The following OPHN1 variants were observed in gnomAD, a reference collection of about 807,000 sequenced individuals.
The protein encoded by OPHN1 is oligophrenin 1.
In OPHN1, 11 loss-of-function variants were observed where a neutral mutation model predicts 60.7. The observed-to-expected ratio is 0.18, with a 90% CI of 0.11 to 0.30. OPHN1 has a LOEUF of 0.30. OPHN1 is among the 10% of genes least tolerant of loss of function. The pLI is 1.00. For synonymous variants in OPHN1, 226 were observed against 222.6 expected, an observed-to-expected ratio of 1.02 and a Z score of -0.14; for missense variants, 449 against 611.0, an observed-to-expected ratio of 0.73 and a Z score of 2.80.
chrX:68,347,425 C>G (rs1338256421), intron 2 of OPHN1, among the ~76,000 whole-genome samples: 1 of 111,323 alleles, frequency 9.0e-6, no homozygotes, highest in Non-Finnish European at 1.9e-5. Context: ...TCAAGCTATC[C>G]TCCAATCTCA....
chrX:68,212,588 CA>C (rs1208500315), intron 7 of OPHN1, among the ~76,000 whole-genome samples: 1 of 110,934 alleles, frequency 9.0e-6, no homozygotes, highest in Non-Finnish European at 1.9e-5. Flanking sequence ...CTCAAAAAAA[CA>C]AAAAACAAAC....
chrX:68,193,385 G>T (rs933102770), intron 14 of OPHN1, among the ~76,000 whole-genome samples: 3 of 111,653 alleles, frequency 2.7e-5, no homozygotes, highest in African/African-American at 9.8e-5. Context: ...TAAGGCAGCT[G>T]TGAAACAAAA....
intron 19 of OPHN1, among the ~76,000 whole-genome samples, chrX:68,084,795 A>G (rs962486388): frequency 2.7e-5 from 3 of 111,909 alleles, no homozygotes; most frequent in Admixed American, 9.4e-5. Flanking sequence ...GAGCTGGTTG[A>G]GAGCAGTTTT....
intron 2 of OPHN1, 140 bp downstream of exon 2, chrX:68,432,727 C>T: frequency 3.1e-6 from 2 of 652,244 alleles, no homozygotes; most frequent in East Asian, 6.7e-5. Flanking sequence ...ATCTCCACTC[C>T]CCAAGTGTGG....
At chrX:68,313,697 AG>A (rs2078184736) in intron 2 of OPHN1, among the ~76,000 whole-genome samples, 2 of 111,966 alleles carry the variant, frequency 1.8e-5, no homozygotes, top group Middle Eastern at 4.6e-3. Context: ...GAAGCTGACA[AG>A]GGTAGTGGGG....
At chrX:68,351,736 G>A (rs942391987) in intron 2 of OPHN1, among the ~76,000 whole-genome samples, 5 of 111,404 alleles carry the variant, frequency 4.5e-5, no homozygotes, top group Admixed American at 9.6e-5. Context: ...TTGCTCTGTC[G>A]CCCAGGCGGG....
chrX:68,181,563 G>A (rs1382570902), intron 15 of OPHN1, among the ~76,000 whole-genome samples: 4 of 111,316 alleles, frequency 3.6e-5, no homozygotes, highest in Non-Finnish European at 7.5e-5. Flanking sequence ...GGTGGTTCAC[G>A]CCTGTAATCC....
chrX:68,259,676 G>A (rs1455375408), intron 5 of OPHN1, among the ~76,000 whole-genome samples: 1 of 111,482 alleles, frequency 9.0e-6, no homozygotes, highest in Non-Finnish European at 1.9e-5. Context: ...TATAGATAAT[G>A]AAACTAAGGC....
At chrX:68,137,067 A>G (rs1335437096) in intron 15 of OPHN1, among the ~76,000 whole-genome samples, 3 of 112,218 alleles carry the variant, frequency 2.7e-5, no homozygotes, top group African/African-American at 9.7e-5. Flanking sequence ...AATCTTTTAT[A>G]CAATGAATGG....
chrX:68,212,020 A>C, intron 8 of OPHN1, 88 bp downstream of exon 8: 1 of 629,285 alleles, frequency 1.6e-6, no homozygotes, highest in Non-Finnish European at 2.6e-6. Context: ...AGGATGCAGT[A>C]ACCTAGAATT....
At chrX:68,203,914 C>T (rs770194526) in intron 10 of OPHN1, among the ~76,000 whole-genome samples, 13 of 112,906 alleles carry the variant, frequency 1.2e-4, no homozygotes, top group South Asian at 7.2e-4. Flanking sequence ...GTGCTTTGCA[C>T]GTAATATTAA....
At chrX:68,244,823 A>G (rs186388169) in intron 5 of OPHN1, among the ~76,000 whole-genome samples, 1 of 111,674 alleles carries the variant, frequency 9.0e-6, no homozygotes, top group Admixed American at 9.6e-5. Flanking sequence ...TACTATTCTT[A>G]TCCCAATTTT....
At chrX:68,164,075 T>C (rs2077347620) in intron 15 of OPHN1, among the ~76,000 whole-genome samples, 1 of 111,548 alleles carries the variant, frequency 9.0e-6, no homozygotes, top group South Asian at 3.8e-4. Context: ...ATGAGGTGGG[T>C]ACTACTGTGA....
chrX:68,279,096 C>G (rs2078006636), intron 4 of OPHN1, among the ~76,000 whole-genome samples: 1 of 92,859 alleles, frequency 1.1e-5, no homozygotes, highest in African/African-American at 4.0e-5. Flanking sequence ...AGGCCCTCCC[C>G]CGCTCTTTTT....
At chrX:68,389,462 G>A (rs1304002008) in intron 2 of OPHN1, among the ~76,000 whole-genome samples, 1 of 108,097 alleles carries the variant, frequency 9.3e-6, no homozygotes. Context: ...AGCTACTCGG[G>A]AGGCTAAGGC....
chrX:68,177,860 C>T (rs982370337), intron 15 of OPHN1, among the ~76,000 whole-genome samples: 1 of 111,834 alleles, frequency 8.9e-6, no homozygotes, highest in Admixed American at 9.5e-5. Flanking sequence ...TTGGAGATTA[C>T]GATTCAACAT....
At chrX:68,101,025 C>T (rs1232275340) in intron 18 of OPHN1, among the ~76,000 whole-genome samples, 1 of 111,651 alleles carries the variant, frequency 9.0e-6, no homozygotes. Flanking sequence ...GGATTACAGG[C>T]GTGAGCCACC....
chrX:68,135,643 A>C (rs1217698439), intron 15 of OPHN1, among the ~76,000 whole-genome samples: 4 of 112,424 alleles, frequency 3.6e-5, no homozygotes, highest in Non-Finnish European at 5.6e-5. Context: ...TATTTCAATA[A>C]CATGGAACAA....
At chrX:68,257,752 G>A (rs957492795) in intron 5 of OPHN1, among the ~76,000 whole-genome samples, 2 of 110,969 alleles carry the variant, frequency 1.8e-5, no homozygotes, top group Admixed American at 9.7e-5. Flanking sequence ...GTAGCTACAC[G>A]TTGCTAGAAG....
Sources: allele counts gnomAD v4.1 joint callset (sites outside exome capture counted in the v4.1 genomes callset), GRCh38; gene constraint gnomAD v4.1.1; transcripts MANE v1.5; gene names NCBI Gene and HGNC (gene_info 2026-07-23, HGNC 2026-07-21).